CRIM1: variants seen among roughly 807,000 people sequenced by gnomAD.
CRIM1 encodes cysteine-rich motor neuron 1 protein.
A neutral mutation model predicts 116.4 loss-of-function variants in CRIM1; 32 were observed. The ratio of observed to expected loss-of-function variants is 0.27; its 90% CI spans 0.21 to 0.37. CRIM1 has a LOEUF of 0.37. Ranked by LOEUF, CRIM1 falls within the 10% of genes least tolerant of loss-of-function variation. The pLI, the probability that CRIM1 is intolerant of heterozygous loss-of-function variation, is 1.00. For synonymous variants in CRIM1, 590 were observed against 509.2 expected (o/e 1.16, Z -2.13); for missense variants, 1,331 against 1,354.8 (o/e 0.98, Z 0.28).
chr2:36,429,839 T>C (rs1674740459), intron 2 of CRIM1, among the ~76,000 whole-genome samples: 1 of 152,188 alleles, frequency 6.6e-6, no homozygotes, highest in African/African-American at 2.4e-5. Flanking sequence ...GAACCAGTGG[T>C]CTAAAGAGTG....
intron 2 of CRIM1, among the ~76,000 whole-genome samples, chr2:36,439,336 T>C (rs1675588881): frequency 6.6e-6 from 1 of 152,198 alleles, no homozygotes; most frequent in Non-Finnish European, 1.5e-5. Flanking sequence ...TCCCCAGATA[T>C]TGTGTGCCTT....
chr2:36,402,171 A>G (rs901096830), intron 2 of CRIM1, among the ~76,000 whole-genome samples: 2 of 152,218 alleles, frequency 1.3e-5, no homozygotes, highest in African/African-American at 4.8e-5. Context: ...ACAAGAAAAT[A>G]GCATATGGTA....
chr2:36,442,426 T>C (rs566709631), intron 3 of CRIM1, among the ~76,000 whole-genome samples, 189 bp from the exon 4 acceptor site: 1 of 152,166 alleles, frequency 6.6e-6, no homozygotes, highest in East Asian at 1.9e-4. Flanking sequence ...CCCACCTCTT[T>C]CCTTACACAG....
At chr2:36,479,784 T>C (rs1679268166) in intron 7 of CRIM1, 90 bp downstream of exon 7, 1 of 1,288,816 alleles carries the variant, frequency 7.8e-7, no homozygotes, top group African/African-American at 1.5e-5. Context: ...TTTATTTCCT[T>C]GGGCATAATG....
intron 1 of CRIM1, among the ~76,000 whole-genome samples, chr2:36,359,040 C>G (rs910293903): frequency 1.3e-5 from 2 of 152,164 alleles, no homozygotes; most frequent in Non-Finnish European, 2.9e-5. Context: ...TTGATTATCT[C>G]TTGTTTTTCT....
chr2:36,357,575 T>G (rs1023774246), intron 1 of CRIM1, among the ~76,000 whole-genome samples: 2 of 152,144 alleles, frequency 1.3e-5, no homozygotes, highest in Non-Finnish European at 2.9e-5. Flanking sequence ...GGGTGCCTGG[T>G]CTGGTTTGGG....
At chr2:36,503,147 C>G (rs1181744961) in intron 8 of CRIM1, among the ~76,000 whole-genome samples, 2 of 152,174 alleles carry the variant, frequency 1.3e-5, no homozygotes, top group Non-Finnish European at 2.9e-5. Context: ...AACCAAATTT[C>G]CAGGTCCTGG....
intron 1 of CRIM1, among the ~76,000 whole-genome samples, chr2:36,380,818 G>C (rs139876851): frequency 7.9e-5 from 12 of 152,310 alleles, no homozygotes; most frequent in African/African-American, 2.6e-4. Flanking sequence ...CTTCAGAAAA[G>C]CACCTTTAGG....
In CRIM1 at chr2:36,549,491, G is replaced by A. The variant is rs977032730; in HGVS notation, c.*790G>A. On this transcript the variant is annotated 3_prime_UTR_variant, in exon 17 of 17. Transcript: ENST00000280527. Reference sequence around the variant, plus strand: ...ACTGGAGCTTTTTTTTTTTTACAACGTGACAGGAAGAGGAGGGAGAGGGTG... The same window carrying A: ...ACTGGAGCTTTTTTTTTTTTACAACATGACAGGAAGAGGAGGGAGAGGGTG... The A allele has an allele frequency of 1.3e-5, 2 of 150,980 alleles. No homozygotes were observed. The highest frequency in any genetic ancestry group is 4.9e-5 in the African/African-American group (2 of 40,820). 9.4% of individuals were successfully genotyped at this position (150,980 alleles called of 1,614,324 possible).
intron 4 of CRIM1, among the ~76,000 whole-genome samples, chr2:36,460,147 G>A (rs1677468076): frequency 6.6e-6 from 1 of 152,012 alleles, no homozygotes; most frequent in South Asian, 2.1e-4. Context: ...GGCTGCAGCT[G>A]TGGTTACATT....
intron 4 of CRIM1, among the ~76,000 whole-genome samples, chr2:36,456,051 G>T (rs551979369): frequency 6.6e-6 from 1 of 152,114 alleles, no homozygotes; most frequent in Non-Finnish European, 1.5e-5. Context: ...TGGTTCTGGC[G>T]GCCTGAAGGA....
rs142413573 is a variant in CRIM1 at position 36,375,681 on chromosome 2, C to T, written c.331+19058C>T. On this transcript the variant is annotated intron_variant, in intron 1 of 16. Transcript: ENST00000280527. ...GGCTGCTTATTAGTTGGAAAGAGTA[C>T]CTATTTAGACTTTCTAAGCCACAGT... 3.1e-3 allele frequency among the ~76,000 whole-genome samples: 465 copies of T among 152,212 alleles called. 3 individuals are homozygous for T. The highest frequency in any genetic ancestry group is 1.0e-2 in the African/African-American group (414 of 41,540).
intron 11 of CRIM1, among the ~76,000 whole-genome samples, chr2:36,516,525 C>T (rs546877572): frequency 1.3e-5 from 2 of 152,302 alleles, no homozygotes; most frequent in African/African-American, 4.8e-5. Context: ...CCAAAACTAC[C>T]TCTCCTCTGG....
intron 3 of CRIM1, among the ~76,000 whole-genome samples, chr2:36,441,718 G>A (rs759105618): frequency 6.6e-6 from 1 of 152,158 alleles, no homozygotes; most frequent in African/African-American, 2.4e-5. Context: ...TTCGGAGAGC[G>A]AGCGTGTCTT....
At chr2:36,481,982 A>G (rs1479235546) in intron 7 of CRIM1, among the ~76,000 whole-genome samples, 2 of 152,186 alleles carry the variant, frequency 1.3e-5, no homozygotes, top group Non-Finnish European at 2.9e-5. Context: ...TCGTCCACCT[A>G]CTGTCTCCTC....
intron 13 of CRIM1, among the ~76,000 whole-genome samples, chr2:36,532,373 G>C (rs192397515): frequency 9.5e-4 from 144 of 152,292 alleles, no homozygotes; most frequent in African/African-American, 3.2e-3. Flanking sequence ...AATCCTCTTT[G>C]AGAGAGTGGG....
chr2:36,476,868 G>A (rs761518996), intron 5 of CRIM1, 21 bp from the exon 6 acceptor site: 84 of 1,587,656 alleles, frequency 5.3e-5, no homozygotes, highest in Non-Finnish European at 7.2e-5. Flanking sequence ...AATATGCCTT[G>A]TTTGTTTTAA....
intron 4 of CRIM1, among the ~76,000 whole-genome samples, chr2:36,449,047 T>C (rs1225485762): frequency 2.7e-5 from 4 of 148,482 alleles, no homozygotes; most frequent in African/African-American, 9.9e-5. Flanking sequence ...TTTTTTTTTT[T>C]CCTTAGCTTC....
chr2:36,525,026 C>T (rs901933197), intron 13 of CRIM1, among the ~76,000 whole-genome samples: 2 of 152,112 alleles, frequency 1.3e-5, no homozygotes, highest in African/African-American at 4.8e-5. Flanking sequence ...CCACAACTTC[C>T]CTCCCCCTCC....
Sources: allele counts gnomAD v4.1 joint callset (sites outside exome capture counted in the v4.1 genomes callset), GRCh38; gene constraint gnomAD v4.1.1; transcripts MANE v1.5; gene names NCBI Gene and HGNC (gene_info 2026-07-23, HGNC 2026-07-21).